The following FBXO30 variants were observed in gnomAD, a reference collection of about 807,000 sequenced individuals.
FBXO30 encodes the protein F-box protein 30, also known as F-box only protein 30.
In FBXO30, 21 loss-of-function variants were observed where a neutral mutation model predicts 58.1. The ratio of observed to expected loss-of-function variants is 0.36; its 90% confidence interval spans 0.26 to 0.52. The LOEUF (loss-of-function observed/expected upper bound fraction) is 0.52, where lower values mean the gene tolerates loss of function less well. FBXO30 is among the 20% of genes least tolerant of loss of function. The pLI is 0.93. For synonymous variants in FBXO30, 309 were observed against 312.4 expected (o/e 0.99, Z 0.11); for missense variants, 744 against 897.3 (o/e 0.83, Z 2.18).
intron 1 of FBXO30, among the ~76,000 whole-genome samples, chr6:145,810,656 G>T (rs1157193283): frequency 1.3e-5 from 2 of 151,960 alleles, no homozygotes; most frequent in African/African-American, 4.8e-5. Context: ...TCTAAGACAT[G>T]GCATTTTCCC....
At position 145,795,689 on chromosome 6, in the gene FBXO30, T is replaced by C. The variant is rs543125037; in HGVS notation, c.*4417A>G. On this transcript the variant is annotated 3_prime_UTR_variant, in exon 3 of 3. Transcript: ENST00000237281. ...GAAAAGTCACTCTCCACATAATACA[T>C]TGAAATATAAAACAATCTGAATACA... 8.6e-4 allele frequency: 130 copies of C among 152,030 alleles called. No homozygotes were observed. Among genetic ancestry groups the C allele is most frequent in the African/African-American group, 2.9e-3 (121 of 41,526 alleles). The allele number at this position is 152,030 out of a possible 1,614,324, so 9.4% of individuals were successfully genotyped here.
rs1778112339 is a variant in FBXO30 at position 145,804,805 on chromosome 6, G to A, written c.1601C>T (p.Ser534Phe). 6.2e-7 allele frequency: 1 copy of A among 1,613,910 alleles called. No individual in the cohort carries two copies. Among genetic ancestry groups the A allele is most frequent in the Non-Finnish European group, 8.5e-7 (1 of 1,179,890 alleles). ...GQLFRRKEFS[S>F]HFKNVHGDIH... ...GTCACCATGCACATTCTTAAAGTGG[G>A]AAGAAAATTCTTTCCTTCTAAATAA... Residue 534 changes from serine to phenylalanine, a missense_variant, in exon 2 of 3, where the codon TCC becomes TTC. By Grantham distance (155) the Ser-to-Phe change is radical (BLOSUM62 -2). Around this residue, in one of 3 missense-constraint regions of FBXO30, gnomAD observed 334 missense variants for 433.7 expected, o/e 0.77. Coordinates refer to ENST00000237281, the MANE Select transcript of FBXO30 (RefSeq NM_032145.5).
In FBXO30 at chr6:145,797,892, G is replaced by C. The variant is rs1365610492; in HGVS notation, c.*2214C>G. 9 of 152,156 alleles carry C rather than the reference G, an allele frequency of 5.9e-5. No homozygotes were observed. Among genetic ancestry groups the C allele is most frequent in the South Asian group, 2.1e-4 (1 of 4,830 alleles). The allele number at this position is 152,156 out of a possible 1,614,324, so 9.4% of individuals were successfully genotyped here. A position where few individuals can be genotyped will look rare whatever the true frequency, so the allele number is the denominator to read the frequency against. On this transcript the variant is annotated 3_prime_UTR_variant, in exon 3 of 3. Coordinates refer to ENST00000237281, the MANE Select transcript of FBXO30 (RefSeq NM_032145.5). ...ACCTTTTCATACTTAAGAGGAGAGA[G>C]AGATGGTTTCCATGACAACTTTTAG...
At position 145,814,635 on chromosome 6, in the gene FBXO30, T is replaced by G. The variant is rs1449538694; in HGVS notation, c.-49A>C. 6.6e-6 allele frequency: 1 copy of G among 152,054 alleles called. No individual in the cohort carries two copies. 9.4% of individuals were successfully genotyped at this position (152,054 alleles called of 1,614,324 possible). A position where few individuals can be genotyped will look rare whatever the true frequency, so the allele number is the denominator to read the frequency against. On this transcript the variant is annotated 5_prime_UTR_variant, in exon 1 of 3. Transcript: ENST00000237281. ...CGCGGCCGAACCGCGGCCCAGGCCC[T>G]AGCTGCCCTGGACGCCGTGCCCAGC... is the stretch of plus-strand genomic sequence containing the variant.
Position 145,805,697 on chromosome 6 carries a change from C to T in FBXO30, c.709G>A (p.Asp237Asn), listed in dbSNP as rs1159150736. The change falls in exon 2 of 3, where the codon GAT becomes AAT. Residue 237 changes from aspartate to asparagine, a missense_variant. This residue lies in a region of FBXO30 where 275 missense variants were observed against 262.0 expected (regional missense o/e 1.05). Transcript: ENST00000237281. ...CCTATTTCCTCCTCATAAAGATGAT[C>T]TTGGTCTTTCAAGTTTTGATCCTCT... ...SLEDQNLKDQ[D>N]HLYEEEIGAV... 1 of 1,613,952 alleles carries T rather than the reference C, an allele frequency of 6.2e-7. No individual in the cohort carries two copies. Among genetic ancestry groups the T allele is most frequent in the Non-Finnish European group, 8.5e-7 (1 of 1,179,986 alleles).
intron 1 of FBXO30, among the ~76,000 whole-genome samples, chr6:145,806,649 T>C (rs1778179236): frequency 6.6e-6 from 1 of 152,204 alleles, no homozygotes; most frequent in South Asian, 2.1e-4. Context: ...GTCATAACGG[T>C]TCATTTTTAT....
rs1460588533 is a variant in FBXO30 at position 145,797,878 on chromosome 6, C to G, written c.*2228G>C. ...AGGCCAACATAAAAACCTTTTCATA[C>G]TTAAGAGGAGAGAGAGATGGTTTCC... On this transcript the variant is annotated 3_prime_UTR_variant, in exon 3 of 3. Coordinates refer to ENST00000237281, the MANE Select transcript of FBXO30 (RefSeq NM_032145.5). The G allele has an allele frequency of 6.6e-6, 1 of 151,994 alleles. No individual in the cohort carries two copies. The highest frequency in any genetic ancestry group is 6.6e-5 in the Admixed American group (1 of 15,238). The allele number at this position is 151,994 out of a possible 1,614,324, so 9.4% of individuals were successfully genotyped here.
At position 145,794,377 on chromosome 6, in the gene FBXO30, A is replaced by C. The variant is rs1254684559; in HGVS notation, c.*5729T>G. ...CAATGACCTTTCAGAATGCAGTTAA[A>C]GTTTTCAATACTGAGTAGTATTCAA... On this transcript the variant is annotated 3_prime_UTR_variant, in exon 3 of 3. Coordinates refer to ENST00000237281, the MANE Select transcript of FBXO30 (RefSeq NM_032145.5). The C allele has an allele frequency of 6.6e-6, 1 of 151,962 alleles. No homozygotes were observed. Among genetic ancestry groups the C allele is most frequent in the African/African-American group, 2.4e-5 (1 of 41,442 alleles). 9.4% of individuals were successfully genotyped at this position (151,962 alleles called of 1,614,324 possible).
At chr6:145,804,256 AT>A in intron 2 of FBXO30, 115 bp downstream of exon 2, 1 of 874,946 alleles carries the variant, frequency 1.1e-6, no homozygotes, top group East Asian at 2.6e-5. Flanking sequence ...CATCACACTG[AT>A]TTAGTAAGTT....
intron 2 of FBXO30, among the ~76,000 whole-genome samples, chr6:145,802,475 G>A (rs1778032073): frequency 6.6e-6 from 1 of 152,006 alleles, no homozygotes; most frequent in Non-Finnish European, 1.5e-5. Flanking sequence ...AAGACTTAAC[G>A]CAAGAAAAAA....
Position 145,804,495 on chromosome 6 carries a change from T to A in FBXO30, c.1911A>T (p.Ser637=). The A allele has an allele frequency of 6.2e-7, 1 of 1,613,656 alleles. No individual in the cohort carries two copies. The highest frequency in any genetic ancestry group is 8.5e-7 in the Non-Finnish European group (1 of 1,179,776). ...CATCCCTCATTAACTTGGATACACA[T>A]GAGAGCTGACATAAGCTGAAGCCAT... ...FLDGFSLCQL[S]CVSKLMRDVC... Residue 637 remains serine (S), a synonymous_variant, in exon 2 of 3, where the codon TCA becomes TCT. Transcript: ENST00000237281.
At position 145,793,966 on chromosome 6, in the gene FBXO30, CTTTTT is replaced by C. The variant is rs1045806617; in HGVS notation, c.*6135_*6139del. 6.4e-4 allele frequency: 97 copies of C among 152,104 alleles called. No individual in the cohort carries two copies. Among genetic ancestry groups the C allele is most frequent in the Middle Eastern group, 3.4e-3 (1 of 294 alleles). 9.4% of individuals were successfully genotyped at this position (152,104 alleles called of 1,614,324 possible). On this transcript the variant is annotated 3_prime_UTR_variant, in exon 3 of 3. Transcript: ENST00000237281. ...ATGATTGCAAATATCAAATTCTTTTCTTTTTAATTGTAATAAAATACACATCAAAT... is the reference window on the plus strand; with the variant it reads ...ATGATTGCAAATATCAAATTCTTTTCAATTGTAATAAAATACACATCAAAT...
At position 145,800,034 on chromosome 6, in the gene FBXO30, T is replaced by A; in HGVS notation, c.*72A>T. ...TAGCTAGTTGTAATATTTAATACAT[T>A]AATAAAGTTTCACATATTACAAAGA... is the stretch of plus-strand genomic sequence containing the variant. On this transcript the variant is annotated 3_prime_UTR_variant, in exon 3 of 3. Coordinates refer to ENST00000237281, the MANE Select transcript of FBXO30 (RefSeq NM_032145.5). 1 of 1,106,612 alleles carries A rather than the reference T, an allele frequency of 9.0e-7. No homozygotes were observed. Among genetic ancestry groups the A allele is most frequent in the South Asian group, 1.4e-5 (1 of 71,624 alleles). 68.5% of individuals were successfully genotyped at this position (1,106,612 alleles called of 1,614,324 possible).
intron 1 of FBXO30, among the ~76,000 whole-genome samples, chr6:145,812,458 G>C (rs529047967): frequency 6.6e-6 from 1 of 152,202 alleles, no homozygotes; most frequent in South Asian, 2.1e-4. Flanking sequence ...ATTAAAACAG[G>C]TAACATGACA....
In FBXO30 at chr6:145,804,978, C is replaced by A; in HGVS notation, c.1428G>T (p.Glu476Asp). The A allele has an allele frequency of 6.2e-7, 1 of 1,613,890 alleles. No homozygotes were observed. ...GATCACAAGCTGAAGCTGAAGCTATCTCCCCAACCATTGTACTTGTAGCTA... is the reference window on the plus strand; with the variant it reads ...GATCACAAGCTGAAGCTGAAGCTATATCCCCAACCATTGTACTTGTAGCTA... ...AILATSTMVG[E>D]IASASACDHA... Residue 476 changes from glutamate to aspartate, a missense_variant, in exon 2 of 3, where the codon GAG becomes GAT. Glu to Asp is a conservative substitution (Grantham distance 45). Coordinates refer to ENST00000237281, the MANE Select transcript of FBXO30 (RefSeq NM_032145.5).
At position 145,794,703 on chromosome 6, in the gene FBXO30, T is replaced by C. The variant is rs1224857068; in HGVS notation, c.*5403A>G. 1 of 151,910 alleles carries C rather than the reference T, an allele frequency of 6.6e-6. No homozygotes were observed. The highest frequency in any genetic ancestry group is 1.9e-4 in the East Asian group (1 of 5,194). 9.4% of individuals were successfully genotyped at this position (151,910 alleles called of 1,614,324 possible). A position where few individuals can be genotyped will look rare whatever the true frequency, so the allele number is the denominator to read the frequency against. On this transcript the variant is annotated 3_prime_UTR_variant, in exon 3 of 3. Coordinates refer to ENST00000237281, the MANE Select transcript of FBXO30 (RefSeq NM_032145.5). ...CATTATTTCCATGGTTTGATTTATTTCAATCAAATAACACGGTTAAACCTG... is the reference window on the plus strand; with the variant it reads ...CATTATTTCCATGGTTTGATTTATTCCAATCAAATAACACGGTTAAACCTG...
In FBXO30 at chr6:145,797,107, A is replaced by G. The variant is rs1446388570; in HGVS notation, c.*2999T>C. 6.6e-6 allele frequency: 1 copy of G among 151,986 alleles called. No homozygotes were observed. Among genetic ancestry groups the G allele is most frequent in the East Asian group, 1.9e-4 (1 of 5,194 alleles). 9.4% of individuals were successfully genotyped at this position (151,986 alleles called of 1,614,324 possible). A position where few individuals can be genotyped will look rare whatever the true frequency, so the allele number is the denominator to read the frequency against. On this transcript the variant is annotated 3_prime_UTR_variant, in exon 3 of 3. Coordinates refer to ENST00000237281, the MANE Select transcript of FBXO30 (RefSeq NM_032145.5). ...AATTTGAATATGTTCACGACTCTAC[A>G]ACCACTAAACAAGAGAATGAGATGA...
chr6:145,808,382 T>C (rs1278436770), intron 1 of FBXO30, among the ~76,000 whole-genome samples: 1 of 152,128 alleles, frequency 6.6e-6, no homozygotes, highest in Non-Finnish European at 1.5e-5. Flanking sequence ...CCTTGGCCAT[T>C]GTATCCTGAT....
intron 1 of FBXO30, chr6:145,809,905 T>C (rs966057004): frequency 1.3e-5 from 2 of 152,182 alleles, no homozygotes; most frequent in African/African-American, 4.8e-5. Context: ...GTATGTTTAC[T>C]TATAAAAGTT....
Sources: gnomAD v4.1 joint callset for allele counts (sites outside exome capture counted in the v4.1 genomes callset) on GRCh38, gnomAD v4.1.1 for gene constraint, gnomAD v4.1.1 regional missense constraint, MANE v1.5 for transcripts, NCBI Gene and HGNC (gene_info 2026-07-23, HGNC 2026-07-21) for gene names.